The following STK3 variants were observed in gnomAD, a reference collection of about 807,000 sequenced individuals.
STK3 encodes serine/threonine-protein kinase 3.
In STK3, 41 loss-of-function variants were observed where a neutral mutation model predicts 58.0. The ratio of observed to expected loss-of-function variants is 0.71; its 90% CI spans 0.55 to 0.92. The LOEUF (loss-of-function observed/expected upper bound fraction) is 0.92. STK3 is among the 40% of genes least tolerant of loss of function. The pLI, the probability that STK3 is intolerant of heterozygous loss-of-function variation, is 0.00. For synonymous variants in STK3, 170 were observed against 191.0 expected (o/e 0.89, Z 0.91); for missense variants, 479 against 602.7 (o/e 0.79, Z 2.15).
intron 1 of STK3, among the ~76,000 whole-genome samples, chr8:98,935,178 G>GCAC (rs1479526461): frequency 6.6e-6 from 1 of 152,160 alleles, no homozygotes; most frequent in African/African-American, 2.4e-5. Context: ...GGGGTGGGGG[G>GCAC]CTTGCCCTCC....
At chr8:98,575,645 T>C (rs1177810734) in intron 8 of STK3, among the ~76,000 whole-genome samples, 2 of 151,848 alleles carry the variant, frequency 1.3e-5, no homozygotes, top group East Asian at 3.9e-4. Context: ...CTTTTTTTTT[T>C]TTCTTTTAAA....
intron 4 of STK3, among the ~76,000 whole-genome samples, chr8:98,738,275 C>A (rs1384416266): frequency 6.6e-6 from 1 of 151,934 alleles, no homozygotes; most frequent in Non-Finnish European, 1.5e-5. Flanking sequence ...GAGTTCCAGA[C>A]CAGCCTGGCC....
the STK3 span, among the ~76,000 whole-genome samples, chr8:98,355,084 A>G: frequency 6.6e-6 from 1 of 152,294 alleles, no homozygotes; most frequent in South Asian, 2.1e-4. Flanking sequence ...ACCTGCCAAG[A>G]GTGTCAGTAT....
At chr8:98,695,132 G>C (rs187375758) in intron 6 of STK3, among the ~76,000 whole-genome samples, 45 of 152,300 alleles carry the variant, frequency 3.0e-4, no homozygotes, top group Non-Finnish European at 5.0e-4. Context: ...TGTGTTCTTT[G>C]GTTGCATAAA....
intron 8 of STK3, among the ~76,000 whole-genome samples, chr8:98,559,304 G>C (rs964603181): frequency 2.0e-5 from 3 of 152,072 alleles, no homozygotes; most frequent in African/African-American, 7.2e-5. Flanking sequence ...AGTGTGTTAA[G>C]GTATAATCTT....
At chr8:98,429,004 T>C (rs1292166146) in intron 3 of STK3, 2 of 1,614,100 alleles carry the variant, frequency 1.2e-6, no homozygotes, top group Non-Finnish European at 1.7e-6. Context: ...GGGATTTCCA[T>C]CTTCTCCGTG....
intron 1 of STK3, among the ~76,000 whole-genome samples, chr8:98,909,399 A>G (rs1172782487): frequency 6.6e-6 from 1 of 152,172 alleles, no homozygotes; most frequent in Non-Finnish European, 1.5e-5. Context: ...GTACAATCCA[A>G]TGTTTTTTAG....
At chr8:98,509,819 C>T (rs988279045) in intron 10 of STK3, among the ~76,000 whole-genome samples, 2 of 151,944 alleles carry the variant, frequency 1.3e-5, no homozygotes, top group Non-Finnish European at 2.9e-5. Flanking sequence ...TATTTTTCTA[C>T]TCATAAGTTA....
intron 6 of STK3, among the ~76,000 whole-genome samples, chr8:98,609,820 C>T (rs1394557130): frequency 4.6e-5 from 7 of 151,736 alleles, no homozygotes; most frequent in South Asian, 2.1e-4. Context: ...ATTAACTGGG[C>T]GTGGTGGCGG....
At position 98,767,436 on chromosome 8, in the gene STK3, C is replaced by T. The variant is rs77924687; in HGVS notation, c.108-65G>A. On this transcript the variant is annotated intron_variant, in intron 2 of 10. Coordinates refer to ENST00000419617, the MANE Select transcript of STK3 (RefSeq NM_006281.4). ...TCGTAACTATAAGATTAAAAGTCTA[C>T]TATGAGTTTTCTGTGGATAGTCTTT... 1.0e-3 allele frequency: 1,493 copies of T among 1,436,072 alleles called. 16 individuals are homozygous for T. In the East Asian group the frequency reaches 0.029, roughly 28 times the overall value. The allele number at this position is 1,436,072 out of a possible 1,614,324, so 89.0% of individuals were successfully genotyped here.
intron 3 of STK3, among the ~76,000 whole-genome samples, chr8:98,832,388 A>C (rs987535961): frequency 2.0e-5 from 3 of 152,000 alleles, no homozygotes; most frequent in Admixed American, 2.0e-4. Flanking sequence ...ACATGCATTA[A>C]AATTAAGCTA....
intron 7 of STK3, among the ~76,000 whole-genome samples, chr8:98,592,956 G>A (rs1815461431): frequency 6.6e-6 from 1 of 151,998 alleles, no homozygotes; most frequent in Non-Finnish European, 1.5e-5. Context: ...TATAGACGGG[G>A]TTTCACTATG....
Position 98,653,710 on chromosome 8 carries a change from T to C in STK3, c.684+52757A>G, listed in dbSNP as rs188159718. 9.4e-3 allele frequency among the ~76,000 whole-genome samples: 1,427 copies of C among 151,386 alleles called. 17 individuals carry two copies. The highest frequency in any genetic ancestry group is 0.032 in the African/African-American group (1,336 of 41,242). On this transcript the variant is annotated intron_variant, in intron 6 of 10. Coordinates refer to ENST00000419617, the MANE Select transcript of STK3 (RefSeq NM_006281.4). ...TCAGAGAATACTATAAACACCTCTG[T>C]GCAAATAAACTAGAAAATCTAGAAG...
intron 7 of STK3, among the ~76,000 whole-genome samples, chr8:98,582,861 T>G (rs1050002232): frequency 1.3e-5 from 2 of 152,188 alleles, no homozygotes; most frequent in African/African-American, 4.8e-5. Context: ...ATATGGTTAC[T>G]CAGTGACTGA....
intron 1 of STK3, chr8:98,782,102 G>T (rs2131533296): frequency 4.3e-6 from 1 of 234,096 alleles, no homozygotes; most frequent in South Asian, 7.2e-5. Context: ...GCAAAAAGAA[G>T]ATCTGGCTGG....
intron 6 of STK3, among the ~76,000 whole-genome samples, chr8:98,600,445 G>A (rs866097268): frequency 6.6e-6 from 1 of 152,168 alleles, no homozygotes; most frequent in Non-Finnish European, 1.5e-5. Context: ...GCTCAATAAT[G>A]TGAGCTATTA....
intron 10 of STK3, among the ~76,000 whole-genome samples, chr8:98,489,250 C>T (rs1822513026): frequency 6.6e-6 from 1 of 151,338 alleles, no homozygotes; most frequent in Admixed American, 6.6e-5. Context: ...AATATGAAAA[C>T]ATTCTAAAGC....
chr8:98,905,709 T>C lies in STK3; in HGVS notation c.-78-21875A>G, dbSNP rs921371667. On this transcript the variant is annotated intron_variant, in intron 1 of 1. Coordinates refer to the STK3 transcript ENST00000519420. ...TCTGGGTGGCAGCGGCGGAGGTAGC[T>C]CCTGCGTCAGAGAGAACCCTACAAA... 2.7e-5 allele frequency: 17 copies of C among 637,100 alleles called. No individual in the cohort carries two copies. In the East Asian group the frequency reaches 3.0e-4, roughly 11 times the overall value. The allele number at this position is 637,100 out of a possible 1,614,324, so 39.5% of individuals were successfully genotyped here.
intron 10 of STK3, among the ~76,000 whole-genome samples, chr8:98,480,689 T>TG (rs1159681568): frequency 1.3e-5 from 2 of 152,172 alleles, no homozygotes; most frequent in African/African-American, 2.4e-5. Context: ...TCACAATTAC[T>TG]ACAGAGGCTA....
Sources: gnomAD v4.1 joint callset for allele counts (sites outside exome capture counted in the v4.1 genomes callset) on GRCh38, gnomAD v4.1.1 for gene constraint, MANE v1.5 for transcripts, NCBI Gene and HGNC (gene_info 2026-07-23, HGNC 2026-07-21) for gene names.